The following GMDS variants were observed in gnomAD, a reference collection of about 807,000 sequenced individuals.
The protein encoded by GMDS is GDP-mannose 4,6 dehydratase.
In GMDS, 20 loss-of-function variants were observed where a neutral mutation model predicts 49.9. The ratio of observed to expected loss-of-function variants is 0.40; its 90% CI spans 0.28 to 0.58. The LOEUF is 0.58. GMDS is among the 20% of genes least tolerant of loss of function. The probability of loss-of-function intolerance (pLI) is 0.42; values close to 1 mark genes in which losing one functional copy is unlikely to be tolerated. For missense variants in GMDS, 362 were observed against 481.4 expected (o/e 0.75, Z 2.32); for synonymous variants, 177 against 178.6 (o/e 0.99, Z 0.07).
chr6:2,068,050 CA>C (rs1771731927), intron 4 of GMDS, among the ~76,000 whole-genome samples: 2 of 149,078 alleles, frequency 1.3e-5, no homozygotes, highest in Non-Finnish European at 3.0e-5. Flanking sequence ...AGCAGCACAT[CA>C]AAAAGCTTAT....
At chr6:1,764,237 G>A (rs1392913678) in intron 7 of GMDS, among the ~76,000 whole-genome samples, 2 of 152,182 alleles carry the variant, frequency 1.3e-5, no homozygotes, top group African/African-American at 2.4e-5. Context: ...TGTGCTGTGA[G>A]GGTGAATACG....
chr6:1,996,340 A>T (rs1180741961), intron 4 of GMDS, among the ~76,000 whole-genome samples: 1 of 150,598 alleles, frequency 6.6e-6, no homozygotes, highest in Non-Finnish European at 1.5e-5. Context: ...TTTAAGAGAC[A>T]GGGGGTGGCT....
At chr6:1,851,794 A>G (rs1232279408) in intron 7 of GMDS, among the ~76,000 whole-genome samples, 1 of 152,260 alleles carries the variant, frequency 6.6e-6, no homozygotes, top group Non-Finnish European at 1.5e-5. Context: ...TTTTAATGGC[A>G]GTCTGAGGTG....
chr6:1,649,131 C>T (rs931753208), intron 9 of GMDS, among the ~76,000 whole-genome samples: 1 of 152,182 alleles, frequency 6.6e-6, no homozygotes, highest in African/African-American at 2.4e-5. Flanking sequence ...GTCTAGGGTT[C>T]ATGGGGCAGG....
At chr6:1,720,229 G>C (rs541321417) in intron 9 of GMDS, among the ~76,000 whole-genome samples, 31 of 136,622 alleles carry the variant, frequency 2.3e-4, no homozygotes, top group African/African-American at 6.7e-4. Context: ...ATGCTCTTGA[G>C]GGGGGAGAGC....
At chr6:2,070,973 G>T (rs780718984) in intron 4 of GMDS, among the ~76,000 whole-genome samples, 8 of 151,988 alleles carry the variant, frequency 5.3e-5, no homozygotes, top group African/African-American at 7.3e-5. Flanking sequence ...CCTCACTCTT[G>T]TCTACCCACA....
intron 4 of GMDS, among the ~76,000 whole-genome samples, chr6:2,005,930 G>T (rs1229603172): frequency 6.6e-6 from 1 of 152,016 alleles, no homozygotes; most frequent in Non-Finnish European, 1.5e-5. Flanking sequence ...TTGACACTTG[G>T]TGTTCCCAAT....
At position 1,726,513 on chromosome 6, in the gene GMDS, C is replaced by T. The variant is rs984760614; in HGVS notation, c.891-1G>A. ...TTCATTTTCATTCTTTCCTTCCCACCTGTAAGGAAGATAAACACTGAATCA... is the reference window on the plus strand; with the variant it reads ...TTCATTTTCATTCTTTCCTTCCCACTTGTAAGGAAGATAAACACTGAATCA... On this transcript the variant is annotated splice_acceptor_variant, in intron 8 of 10. Coordinates refer to ENST00000380815, the MANE Select transcript of GMDS (RefSeq NM_001500.4). LOFTEE classifies it high-confidence loss of function. 6.3e-7 allele frequency: 1 copy of T among 1,599,258 alleles called. No homozygotes were observed. Among genetic ancestry groups the T allele is most frequent in the African/African-American group, 1.3e-5 (1 of 74,650 alleles).
At chr6:2,186,119 C>G (rs1383849132) in intron 1 of GMDS, among the ~76,000 whole-genome samples, 3 of 152,168 alleles carry the variant, frequency 2.0e-5, no homozygotes, top group Non-Finnish European at 4.4e-5. Flanking sequence ...TGAAGCCAAA[C>G]TGGCACTAGG....
chr6:1,663,269 A>G (rs1481608853), intron 9 of GMDS, among the ~76,000 whole-genome samples: 2 of 152,178 alleles, frequency 1.3e-5, no homozygotes, highest in African/African-American at 4.8e-5. Context: ...AACGCACAGA[A>G]GCACCGTGCA....
chr6:2,226,511 G>A (rs552420468), intron 1 of GMDS, among the ~76,000 whole-genome samples: 105 of 152,090 alleles, frequency 6.9e-4, no homozygotes, highest in African/African-American at 1.9e-3. Context: ...AAAGTTAATC[G>A]ATAAATACTC....
rs10523956 is a variant in GMDS, at chr6:2,013,925, C to CATATATATATATATATAT, written c.346-52977_346-52960dup. The stretch of plus-strand genomic sequence containing the variant: ...AGAGAACACCAGAGAGGATAAAAAC[C>CATATATATATATATATAT]ATATATATATATATATATATATATA... On this transcript the variant is annotated intron_variant, in intron 4 of 10. Transcript: ENST00000380815. Among the ~76,000 whole-genome samples the CATATATATATATATATAT allele has an allele frequency of 1.4e-3, 180 of 124,980 alleles. 1 individual carries two copies. The highest frequency in any genetic ancestry group is 2.5e-3 in the African/African-American group (71 of 28,378). The allele number at this position is 124,980 out of a possible 152,430, so 82.0% of individuals were successfully genotyped here. A position where few individuals can be genotyped will look rare whatever the true frequency, so the allele number is the denominator to read the frequency against.
At chr6:1,907,587 T>A (rs547486131) in intron 7 of GMDS, among the ~76,000 whole-genome samples, 1 of 152,342 alleles carries the variant, frequency 6.6e-6, no homozygotes, top group Admixed American at 6.5e-5. Context: ...CTCTGTTTTA[T>A]GACATGGTGT....
intron 1 of GMDS, among the ~76,000 whole-genome samples, chr6:2,193,720 ATTTTTTTTTT>A (rs35997013): frequency 1.8e-5 from 2 of 111,792 alleles, no homozygotes; most frequent in South Asian, 2.9e-4. Context: ...TGAAAATGCT[ATTTTTTTTTT>A]TTTTTTTTTT....
rs114996471 is a variant in GMDS, at chr6:2,112,174, T to A, written c.345+3597A>T. On this transcript the variant is annotated intron_variant, in intron 4 of 10. Coordinates refer to ENST00000380815, the MANE Select transcript of GMDS (RefSeq NM_001500.4). The stretch of plus-strand genomic sequence containing the variant: ...GAGAAGTATTTATTATCTCAGACTA[T>A]GTACAATTCAGAAAAAGAGGTTTCT... Among the ~76,000 whole-genome samples, 100 of 152,368 alleles carry A rather than the reference T, an allele frequency of 6.6e-4. 1 individual carries two copies. The highest frequency in any genetic ancestry group is 2.2e-3 in the African/African-American group (91 of 41,594).
chr6:2,202,990 T>C (rs1028112922), intron 1 of GMDS, among the ~76,000 whole-genome samples: 8 of 152,222 alleles, frequency 5.3e-5, no homozygotes, highest in African/African-American at 1.9e-4. Flanking sequence ...AGAAGTATCC[T>C]GCCACATTTT....
In GMDS at chr6:2,097,432, A is replaced by G. The variant is rs571767365; in HGVS notation, c.345+18339T>C. Among the ~76,000 whole-genome samples the G allele has an allele frequency of 2.4e-3, 359 of 152,290 alleles. 1 individual carries two copies. Among genetic ancestry groups the G allele is most frequent in the African/African-American group, 8.3e-3 (346 of 41,564 alleles). On this transcript the variant is annotated intron_variant, in intron 4 of 10. Transcript: ENST00000380815. ...GAGAAAGAGGGTGCAGCTTAAGTAG[A>G]AAATGGACAGCTAAAACGACGAGGG...
chr6:1,885,953 C>T (rs1013136559), intron 7 of GMDS, among the ~76,000 whole-genome samples: 1 of 152,162 alleles, frequency 6.6e-6, no homozygotes, highest in East Asian at 1.9e-4. Flanking sequence ...TTACTGCTGT[C>T]TGTAGAAACG....
At chr6:2,238,299 C>T (rs1187142669) in intron 1 of GMDS, among the ~76,000 whole-genome samples, 1 of 151,986 alleles carries the variant, frequency 6.6e-6, no homozygotes, top group Non-Finnish European at 1.5e-5. Context: ...AGGAGGATCA[C>T]CTGAGCCCAG....
Sources: allele counts gnomAD v4.1 joint callset (sites outside exome capture counted in the v4.1 genomes callset), GRCh38; gene constraint gnomAD v4.1.1; transcripts MANE v1.5; gene names NCBI Gene and HGNC (gene_info 2026-07-23, HGNC 2026-07-21).